ACYP2: variants seen among roughly 807,000 people sequenced by gnomAD.
The protein encoded by ACYP2 is acylphosphatase-2.
ACYP2 carries 12 observed loss-of-function variants against 11.2 expected under a neutral mutation model. The observed-to-expected ratio is 1.08, with a 90% CI of 0.69 to 1.74. The LOEUF is 1.74. ACYP2 is among the 40% of genes most tolerant of loss of function. The probability of loss-of-function intolerance (pLI) is 0.00; values close to 1 mark genes in which losing one functional copy is unlikely to be tolerated. For missense variants in ACYP2, 134 were observed against 101.9 expected, an observed-to-expected ratio of 1.31 and a Z score of -1.35; for synonymous variants, 43 against 32.2, an observed-to-expected ratio of 1.33 and a Z score of -1.13.
At chr2:53,988,277 T>G (rs943601489) in intron 2 of ACYP2, among the ~76,000 whole-genome samples, 12 of 152,142 alleles carry the variant, frequency 7.9e-5, no homozygotes, top group African/African-American at 2.9e-4. Context: ...TCTAAAAGTT[T>G]TATAGTTTTC....
intron 4 of ACYP2, chr2:54,065,504 C>T: frequency 2.5e-6 from 1 of 398,580 alleles, no homozygotes. Context: ...TTGGCTATCC[C>T]TGATCAGGGA....
At chr2:54,039,445 T>C (rs13401566) in intron 2 of ACYP2, among the ~76,000 whole-genome samples, 3,591 of 151,764 alleles carry the variant, frequency 0.024, 139 homozygotes, top group African/African-American at 0.083. Flanking sequence ...GTGTGCACTA[T>C]CATGCCTGGC....
At chr2:54,164,620 A>C (rs945991147) in intron 6 of ACYP2, among the ~76,000 whole-genome samples, 2 of 152,230 alleles carry the variant, frequency 1.3e-5, no homozygotes, top group African/African-American at 4.8e-5. Context: ...ATTAATTCAT[A>C]TGAATGGAAA....
intron 2 of ACYP2, among the ~76,000 whole-genome samples, chr2:53,987,149 G>C (rs1169674590): frequency 6.6e-6 from 1 of 152,170 alleles, no homozygotes; most frequent in Non-Finnish European, 1.5e-5. Flanking sequence ...TGTGATATGA[G>C]AGGTTCACAA....
At chr2:54,298,836 CTG>C (rs1689617208) in intron 6 of ACYP2, among the ~76,000 whole-genome samples, 1 of 152,078 alleles carries the variant, frequency 6.6e-6, no homozygotes, top group African/African-American at 2.4e-5. Context: ...ATTGCAACCT[CTG>C]CCTCCCAGGT....
At chr2:54,252,002 T>A (rs1419693032) in intron 6 of ACYP2, among the ~76,000 whole-genome samples, 1 of 152,196 alleles carries the variant, frequency 6.6e-6, no homozygotes, top group Non-Finnish European at 1.5e-5. Flanking sequence ...GACTATTGAG[T>A]TGTAAGGTCC....
intron 4 of ACYP2, among the ~76,000 whole-genome samples, chr2:54,099,570 G>T (rs983330263): frequency 3.3e-5 from 5 of 152,126 alleles, no homozygotes; most frequent in African/African-American, 7.2e-5. Context: ...TGTGCAACAC[G>T]ATGTCCTCAG....
chr2:54,239,379 T>G (rs1318021069), intron 6 of ACYP2, among the ~76,000 whole-genome samples: 1 of 152,198 alleles, frequency 6.6e-6, no homozygotes, highest in Non-Finnish European at 1.5e-5. Flanking sequence ...TCAAACAAAC[T>G]TAGCCAGCTT....
intron 4 of ACYP2, among the ~76,000 whole-genome samples, chr2:54,091,671 C>T (rs1259243169): frequency 1.3e-5 from 2 of 151,860 alleles, no homozygotes; most frequent in Non-Finnish European, 2.9e-5. Flanking sequence ...GCCACCATGC[C>T]CGGCTAATTT....
At chr2:54,277,547 ATGCGCCT>A (rs1688652171) in intron 6 of ACYP2, among the ~76,000 whole-genome samples, 1 of 152,070 alleles carries the variant, frequency 6.6e-6, no homozygotes, top group African/African-American at 2.4e-5. Context: ...GTGTGGTGGC[ATGCGCCT>A]GTAATCCCAG....
At chr2:54,096,322 G>A (rs1237528010) in intron 4 of ACYP2, among the ~76,000 whole-genome samples, 5 of 142,218 alleles carry the variant, frequency 3.5e-5, no homozygotes, top group African/African-American at 1.1e-4. Flanking sequence ...GATGGCGGCC[G>A]GGCAGAGACG....
At chr2:54,267,113 T>C (rs958962964) in intron 6 of ACYP2, among the ~76,000 whole-genome samples, 5 of 152,176 alleles carry the variant, frequency 3.3e-5, no homozygotes, top group Admixed American at 6.5e-5. Context: ...GGGAGAGGCA[T>C]TGATGCTATC....
chr2:54,145,794 T>A (rs10201710), intron 6 of ACYP2, among the ~76,000 whole-genome samples: 1 of 151,948 alleles, frequency 6.6e-6, no homozygotes, highest in African/African-American at 2.4e-5. Flanking sequence ...ACTCTATATA[T>A]CCATCAATAT....
At chr2:53,971,335 C>G (rs767914704) in intron 1 of ACYP2, 1 of 152,604 alleles carries the variant, frequency 6.6e-6, no homozygotes, top group African/African-American at 2.4e-5. Context: ...GGCCTGGTCC[C>G]CCTAGCCGAG....
intron 6 of ACYP2, among the ~76,000 whole-genome samples, chr2:54,266,900 C>T (rs1688055958): frequency 6.6e-6 from 1 of 151,974 alleles, no homozygotes; most frequent in Non-Finnish European, 1.5e-5. Context: ...TGAGCCACCG[C>T]ACCCGGCCGA....
intron 4 of ACYP2, among the ~76,000 whole-genome samples, chr2:54,092,743 A>G (rs1267526658): frequency 6.6e-6 from 1 of 152,198 alleles, no homozygotes; most frequent in Non-Finnish European, 1.5e-5. Flanking sequence ...TGAACTTACT[A>G]TAGAAGCAGG....
At chr2:54,035,508 A>G (rs947530111) in intron 2 of ACYP2, among the ~76,000 whole-genome samples, 1 of 151,462 alleles carries the variant, frequency 6.6e-6, no homozygotes, top group Non-Finnish European at 1.5e-5. Flanking sequence ...CTTGTGATCC[A>G]CCCGCCTCGG....
intron 6 of ACYP2, among the ~76,000 whole-genome samples, chr2:54,180,463 A>G (rs1683656731): frequency 6.6e-6 from 1 of 152,148 alleles, no homozygotes; most frequent in Non-Finnish European, 1.5e-5. Context: ...TCAGTCAATC[A>G]TTAGCATATG....
chr2:54,032,391 C>A (rs1456043818), intron 2 of ACYP2, among the ~76,000 whole-genome samples: 1 of 152,190 alleles, frequency 6.6e-6, no homozygotes, highest in African/African-American at 2.4e-5. Flanking sequence ...GAATCCTTCG[C>A]CCATGTCTTG....
Sources: allele counts gnomAD v4.1 joint callset (sites outside exome capture counted in the v4.1 genomes callset), GRCh38; gene constraint gnomAD v4.1.1; transcripts MANE v1.5; gene names NCBI Gene and HGNC (gene_info 2026-07-23, HGNC 2026-07-21).